Variants in FXYD6 observed in about 807,000 individuals in gnomAD.
FXYD6 encodes the protein FXYD domain containing ion transport regulator 6.
Under a neutral mutation model 16.7 loss-of-function variants are expected in FXYD6, and 7 were observed. The ratio of observed to expected loss-of-function variants is 0.42; its 90% CI spans 0.24 to 0.79. The LOEUF (loss-of-function observed/expected upper bound fraction) is 0.79, where lower values mean the gene tolerates loss of function less well. Among genes scored for constraint, FXYD6 ranks in the 30% least tolerant of loss-of-function variants. The pLI is 0.28. For synonymous variants in FXYD6, 49 were observed against 43.0 expected, an observed-to-expected ratio of 1.14 and a Z score of -0.54; for missense variants, 111 against 116.2, an observed-to-expected ratio of 0.95 and a Z score of 0.21.
At chr11:117,857,764 T>A (rs78808797) in intron 1 of FXYD6, among the ~76,000 whole-genome samples, 4,234 of 151,958 alleles carry the variant, frequency 0.028, 131 homozygotes, top group African/African-American at 0.071. Flanking sequence ...GGGAGGAAAA[T>A]AGGGGGAGAG....
chr11:117,851,729 A>G (rs960955929), intron 1 of FXYD6, among the ~76,000 whole-genome samples: 1 of 152,216 alleles, frequency 6.6e-6, no homozygotes, highest in African/African-American at 2.4e-5. Flanking sequence ...GTTCGTTAGA[A>G]ACTCTGTTTC....
At chr11:117,876,736 G>T (rs1276768557), upstream of FXYD6, 2 of 151,476 alleles carry the variant, frequency 1.3e-5, no homozygotes, top group Admixed American at 1.3e-4. Flanking sequence ...GGCTGGCTGG[G>T]AGGCGCGTCC....
intron 1 of FXYD6, among the ~76,000 whole-genome samples, chr11:117,867,260 G>C (rs1368943668): frequency 1.3e-5 from 2 of 152,214 alleles, no homozygotes; most frequent in Non-Finnish European, 2.9e-5. Flanking sequence ...GGACACTGCA[G>C]TGAGCAAGAC....
intron 1 of FXYD6, among the ~76,000 whole-genome samples, chr11:117,849,039 T>A (rs374660050): frequency 2.0e-5 from 3 of 152,222 alleles, no homozygotes; most frequent in African/African-American, 7.2e-5. Flanking sequence ...GTTGGATACC[T>A]AGTTCATTAA....
intron 1 of FXYD6, among the ~76,000 whole-genome samples, chr11:117,855,188 T>TAA (rs1353046288): frequency 2.6e-5 from 4 of 152,212 alleles, no homozygotes; most frequent in Non-Finnish European, 4.4e-5. Flanking sequence ...AGACCTGCCT[T>TAA]TGTATTCTAA....
At chr11:117,867,826 T>G (rs1277197451) in intron 1 of FXYD6, among the ~76,000 whole-genome samples, 3 of 150,814 alleles carry the variant, frequency 2.0e-5, no homozygotes, top group African/African-American at 7.3e-5. Flanking sequence ...TAGGATCACA[T>G]GAAGAGCTTC....
chr11:117,866,693 A>G (rs1190048565), intron 1 of FXYD6, among the ~76,000 whole-genome samples: 1 of 152,188 alleles, frequency 6.6e-6, no homozygotes, highest in Non-Finnish European at 1.5e-5. Context: ...GCCTCTGTCC[A>G]TCTCACAGCT....
At position 117,837,136 on chromosome 11, in the gene FXYD6, G is replaced by A. The variant is rs1478289508; in HGVS notation, c.*1163C>T. 5 of 152,306 alleles carry A rather than the reference G, an allele frequency of 3.3e-5. No individual in the cohort carries two copies. The highest frequency in any genetic ancestry group is 1.9e-4 in the East Asian group (1 of 5,178). The allele number at this position is 152,306 out of a possible 1,614,324, so 9.4% of individuals were successfully genotyped here. A position where few individuals can be genotyped will look rare whatever the true frequency, so the allele number is the denominator to read the frequency against. Reference sequence around the variant, plus strand: ...GGATCTGGGTTGAGTTCCCACTCTCGTTATGACCTTCAACCTCTCACTGTT... The same window carrying A: ...GGATCTGGGTTGAGTTCCCACTCTCATTATGACCTTCAACCTCTCACTGTT... On this transcript the variant is annotated 3_prime_UTR_variant, in exon 8 of 8. Transcript: ENST00000526014. The surrounding 1 kb of genome is among the most constrained non-coding windows in gnomAD (Gnocchi z 4.4).
chr11:117,867,609 C>T (rs564766846), intron 1 of FXYD6, among the ~76,000 whole-genome samples: 1 of 152,234 alleles, frequency 6.6e-6, no homozygotes, highest in African/African-American at 2.4e-5. Context: ...TTTTTAAAAT[C>T]CAAACTTCTT....
In FXYD6 at chr11:117,872,917, C is replaced by T. The variant is rs1017924304; in HGVS notation, c.-6+3675G>A. 1.3e-5 allele frequency among the ~76,000 whole-genome samples: 2 copies of T among 152,316 alleles called. No individual in the cohort carries two copies. The highest frequency in any genetic ancestry group is 6.5e-5 in the Admixed American group (1 of 15,304). On this transcript the variant is annotated intron_variant, in intron 1 of 7. Transcript: ENST00000526014. The surrounding 1 kb of genome is among the most constrained non-coding windows in gnomAD (Gnocchi z 4.9). ...CACTGTGTTCCCGACCGGCCCCTCT[C>T]GTTGCAACTCTCCAGCTGGCCAGGG...
At chr11:117,840,644 A>C (rs929299528) in intron 5 of FXYD6, among the ~76,000 whole-genome samples, 1 of 152,148 alleles carries the variant, frequency 6.6e-6, no homozygotes, top group South Asian at 2.1e-4. Context: ...GTCCTGCCAC[A>C]CGCTTTGGAC....
intron 1 of FXYD6, among the ~76,000 whole-genome samples, chr11:117,846,008 CAAT>C (rs1361516299): frequency 1.3e-5 from 2 of 152,250 alleles, no homozygotes; most frequent in Non-Finnish European, 2.9e-5. Context: ...CCACTTCACA[CAAT>C]GATTTAAAAT....
At chr11:117,848,218 T>C (rs950358986) in intron 1 of FXYD6, among the ~76,000 whole-genome samples, 2 of 151,992 alleles carry the variant, frequency 1.3e-5, no homozygotes, top group Non-Finnish European at 2.9e-5. Flanking sequence ...TTAAATAGAG[T>C]TTTTCTAATG....
At position 117,870,229 on chromosome 11, in the gene FXYD6, G is replaced by A. The variant is rs767593721; in HGVS notation, c.-6+6363C>T. On this transcript the variant is annotated intron_variant, in intron 1 of 7. Transcript: ENST00000526014. The surrounding 1 kb of genome is among the most constrained non-coding windows in gnomAD (Gnocchi z 4.2). ...AGGCCTCCTGCCTGCCAGCACAGGG[G>A]CTGAGGCCCCTCTGGTTCCCCAGGA... is the stretch of plus-strand genomic sequence containing the variant. Among the ~76,000 whole-genome samples, 23 of 152,274 alleles carry A rather than the reference G, an allele frequency of 1.5e-4. No homozygotes were observed. Among genetic ancestry groups the A allele is most frequent in the African/African-American group, 4.8e-4 (20 of 41,472 alleles).
At chr11:117,856,071 A>G (rs2134170453) in intron 1 of FXYD6, among the ~76,000 whole-genome samples, 1 of 152,150 alleles carries the variant, frequency 6.6e-6, no homozygotes, top group East Asian at 1.9e-4. Flanking sequence ...CAGCACTTCC[A>G]TGTTAATTTT....
chr11:117,838,244 C>T lies in FXYD6; in HGVS notation c.*55G>A. ...TTTCTTAAGCATCGACATTTGCATCCAAAGGTTCAAGCAGCCGCCTCAGGT... is the reference window on the plus strand; with the variant it reads ...TTTCTTAAGCATCGACATTTGCATCTAAAGGTTCAAGCAGCCGCCTCAGGT... On this transcript the variant is annotated 3_prime_UTR_variant, in exon 8 of 8. Coordinates refer to ENST00000526014, the MANE Select transcript of FXYD6 (RefSeq NM_022003.4). The T allele has an allele frequency of 1.4e-6, 1 of 702,524 alleles. No homozygotes were observed. Among genetic ancestry groups the T allele is most frequent in the Non-Finnish European group, 2.6e-6 (1 of 384,978 alleles). 43.5% of individuals were successfully genotyped at this position (702,524 alleles called of 1,614,324 possible). A position where few individuals can be genotyped will look rare whatever the true frequency, so the allele number is the denominator to read the frequency against.
chr11:117,868,265 C>A (rs892981489), intron 1 of FXYD6, among the ~76,000 whole-genome samples: 2 of 152,090 alleles, frequency 1.3e-5, no homozygotes, highest in African/African-American at 2.4e-5. Context: ...AATCACCAGG[C>A]CTTGAAACTG....
chr11:117,874,235 A>C (rs959918050), intron 1 of FXYD6, among the ~76,000 whole-genome samples: 1 of 152,126 alleles, frequency 6.6e-6, no homozygotes, highest in Admixed American at 6.5e-5. Context: ...GACACTTAAA[A>C]CAGTTCTTTG....
rs199942688 is a variant in FXYD6, at chr11:117,840,308, C to T, written c.259+11G>A. The T allele has an allele frequency of 3.5e-4, 572 of 1,614,132 alleles. 1 individual carries two copies. The highest frequency in any genetic ancestry group is 4.3e-4 in the Non-Finnish European group (507 of 1,180,028). On this transcript the variant is annotated intron_variant, in intron 6 of 7. Coordinates refer to ENST00000526014, the MANE Select transcript of FXYD6 (RefSeq NM_022003.4). ...TCTTTTCCACCTGGGCAGGTGGTCA[C>T]GGACAGTTACCATTGGCGGTGATGA...
Sources: allele counts gnomAD v4.1 joint callset (sites outside exome capture counted in the v4.1 genomes callset), GRCh38; gene constraint gnomAD v4.1.1; non-coding constraint Gnocchi (gnomAD v3.1); transcripts MANE v1.5; gene names NCBI Gene and HGNC (gene_info 2026-07-23, HGNC 2026-07-21).